TFDP2: variants seen among roughly 807,000 people sequenced by gnomAD.
TFDP2 encodes the protein transcription factor Dp-2.
In TFDP2, 17 loss-of-function variants were observed where a neutral mutation model predicts 59.3. The observed-to-expected ratio is 0.29, with a 90% CI of 0.20 to 0.43. The LOEUF is 0.43. Ranked by LOEUF, TFDP2 falls within the 20% of genes least tolerant of loss-of-function variation. The pLI is 1.00. For missense variants in TFDP2, 391 were observed against 528.8 expected, an observed-to-expected ratio of 0.74 and a Z score of 2.56; for synonymous variants, 180 against 194.7, an observed-to-expected ratio of 0.92 and a Z score of 0.63.
intron 3 of TFDP2, among the ~76,000 whole-genome samples, chr3:142,036,416 A>AT (rs1946696984): frequency 1.3e-5 from 2 of 152,180 alleles, no homozygotes; most frequent in Admixed American, 1.3e-4. Context: ...ACCTGGTCCT[A>AT]TTTTGAGTTC....
intron 1 of TFDP2, among the ~76,000 whole-genome samples, chr3:142,145,823 A>G (rs2063152303): frequency 6.6e-6 from 1 of 152,190 alleles, no homozygotes; most frequent in Non-Finnish European, 1.5e-5. Context: ...ACAAGTAATG[A>G]TAGGGTAAAG....
At chr3:141,989,196 C>T (rs551418155) in intron 6 of TFDP2, 1 of 152,236 alleles carries the variant, frequency 6.6e-6, no homozygotes, top group South Asian at 2.1e-4. Flanking sequence ...TTCATGTTCA[C>T]GAATGTTGGA....
At chr3:142,034,034 A>G (rs950308746) in intron 3 of TFDP2, among the ~76,000 whole-genome samples, 1 of 151,898 alleles carries the variant, frequency 6.6e-6, no homozygotes, top group African/African-American at 2.4e-5. Context: ...TCTCTCTTTA[A>G]TCACTAAAAT....
chr3:142,002,622 T>C (rs1333127730), intron 4 of TFDP2, among the ~76,000 whole-genome samples: 1 of 152,136 alleles, frequency 6.6e-6, no homozygotes, highest in Non-Finnish European at 1.5e-5. Flanking sequence ...GCTTTCTCTA[T>C]AGCTCTCCTT....
At chr3:141,961,853 G>A (rs1937403250) in intron 10 of TFDP2, among the ~76,000 whole-genome samples, 1 of 152,136 alleles carries the variant, frequency 6.6e-6, no homozygotes, top group South Asian at 2.1e-4. Context: ...CAGGGGGACC[G>A]CTTGAGCCCA....
rs1338077836 is a variant in TFDP2, at chr3:142,037,097, G to T, written c.83-31553C>A. 2.0e-5 allele frequency among the ~76,000 whole-genome samples: 3 copies of T among 152,110 alleles called. No individual in the cohort carries two copies. In the East Asian group the frequency reaches 5.8e-4, roughly 29 times the overall value. ...TAGCTAAAATAAATATGTGTTATAA[G>T]AATAACTTTGGTATGACAACTTTCA... On this transcript the variant is annotated intron_variant, in intron 3 of 12. Transcript: ENST00000489671.
At chr3:142,030,835 C>T (rs557529639) in intron 3 of TFDP2, among the ~76,000 whole-genome samples, 4 of 150,330 alleles carry the variant, frequency 2.7e-5, no homozygotes, top group Non-Finnish European at 4.4e-5. Context: ...CTCCGCCTCC[C>T]GGGTTCACGC....
chr3:142,005,007 C>T (rs1474833320), intron 4 of TFDP2, among the ~76,000 whole-genome samples: 1 of 152,142 alleles, frequency 6.6e-6, no homozygotes, highest in Non-Finnish European at 1.5e-5. Flanking sequence ...AAAAACAGAA[C>T]GTTTTTTAAA....
chr3:142,051,048 G>T (rs1272908437), intron 3 of TFDP2, among the ~76,000 whole-genome samples: 1 of 152,170 alleles, frequency 6.6e-6, no homozygotes, highest in Non-Finnish European at 1.5e-5. Flanking sequence ...AAAATCGAAA[G>T]ATTACACTAT....
intron 3 of TFDP2, among the ~76,000 whole-genome samples, chr3:142,053,155 T>C (rs578149323): frequency 1.3e-5 from 2 of 152,302 alleles, no homozygotes; most frequent in African/African-American, 4.8e-5. Flanking sequence ...TCTTTTTTAA[T>C]TGAAAAACTG....
chr3:141,970,076 TAGG>T lies in TFDP2; in HGVS notation c.726_728del (p.Leu243del), dbSNP rs1439023123. 1.2e-6 allele frequency: 2 copies of T among 1,613,816 alleles called. No individual in the cohort carries two copies. The highest frequency in any genetic ancestry group is 8.5e-7 in the Non-Finnish European group (1 of 1,179,788). On this transcript the variant is annotated inframe_deletion, in exon 9 of 13. Transcript: ENST00000489671. ...GAAAACATCTCGGTATCTTTACCTG[TAGG>T]AGAAGTTCTTGCAGCTGGGCCCGCT...
rs187033039 is a variant in TFDP2 at position 142,030,612 on chromosome 3, T to A, written c.83-25068A>T. Among the ~76,000 whole-genome samples, 623 of 152,274 alleles carry A rather than the reference T, an allele frequency of 4.1e-3. 1 individual carries two copies. Among genetic ancestry groups the A allele is most frequent in the Non-Finnish European group, 6.2e-3 (425 of 68,034 alleles). ...TACACCTTTAACCTGTCAGATCAGC[T>A]AGAAGTGCTCACCTGTGTCACCCAA... On this transcript the variant is annotated intron_variant, in intron 3 of 12. Coordinates refer to ENST00000489671, the MANE Select transcript of TFDP2 (RefSeq NM_001178139.2).
At chr3:142,055,625 C>A (rs2059713583) in intron 3 of TFDP2, among the ~76,000 whole-genome samples, 1 of 152,162 alleles carries the variant, frequency 6.6e-6, no homozygotes, top group Non-Finnish European at 1.5e-5. Flanking sequence ...GTCCTTAAAA[C>A]CTATTATCAT....
At chr3:142,096,225 T>A (rs899668409) in intron 2 of TFDP2, among the ~76,000 whole-genome samples, 5 of 152,200 alleles carry the variant, frequency 3.3e-5, no homozygotes, top group Admixed American at 6.5e-5. Flanking sequence ...TATTTAAAGC[T>A]TATATATAAA....
At chr3:142,091,596 A>T (rs1040908768) in intron 3 of TFDP2, among the ~76,000 whole-genome samples, 2 of 152,006 alleles carry the variant, frequency 1.3e-5, no homozygotes, top group African/African-American at 4.8e-5. Context: ...TAAGCTAGAC[A>T]TTTTTATATT....
chr3:142,143,259 G>C (rs954016685), intron 1 of TFDP2, among the ~76,000 whole-genome samples: 3 of 152,016 alleles, frequency 2.0e-5, no homozygotes, highest in African/African-American at 7.2e-5. Context: ...AATCAAAATG[G>C]ATTAAAGACT....
chr3:142,005,160 G>A (rs1944110790), intron 4 of TFDP2, among the ~76,000 whole-genome samples: 1 of 152,076 alleles, frequency 6.6e-6, no homozygotes, highest in African/African-American at 2.4e-5. Flanking sequence ...CAATCCTCCC[G>A]CCTCAGTCCT....
chr3:142,044,989 G>A (rs558929763), intron 3 of TFDP2, among the ~76,000 whole-genome samples: 1 of 152,004 alleles, frequency 6.6e-6, no homozygotes, highest in African/African-American at 2.4e-5. Context: ...TCCTTCTATG[G>A]CAATCTGCTA....
At chr3:142,110,514 C>CA (rs1003778385) in intron 1 of TFDP2, among the ~76,000 whole-genome samples, 29 of 148,012 alleles carry the variant, frequency 2.0e-4, no homozygotes, top group Non-Finnish European at 2.9e-4. Flanking sequence ...AAAAAAAAAA[C>CA]AAAAAAAAGC....
Sources: gnomAD v4.1 joint callset for allele counts (sites outside exome capture counted in the v4.1 genomes callset) on GRCh38, gnomAD v4.1.1 for gene constraint, MANE v1.5 for transcripts, NCBI Gene and HGNC (gene_info 2026-07-23, HGNC 2026-07-21) for gene names.